Variants in TAF1 observed in about 807,000 individuals in gnomAD.
The protein encoded by TAF1 is TATA-box binding protein associated factor 1.
TAF1 carries 2 observed loss-of-function variants against 138.5 expected under a neutral mutation model. That is an observed-to-expected ratio of 0.01 (90% CI 0.01 to 0.05). The LOEUF is 0.05. TAF1 is among the 10% of genes least tolerant of loss of function. The probability of loss-of-function intolerance (pLI) is 1.00; values close to 1 mark genes in which losing one functional copy is unlikely to be tolerated. For synonymous variants in TAF1, 437 were observed against 503.2 expected, an observed-to-expected ratio of 0.87 and a Z score of 1.76; for missense variants, 709 against 1,478.0, an observed-to-expected ratio of 0.48 and a Z score of 8.53.
chrX:71,498,988 C>T (rs756243097), intron 13 of TAF1, among the ~76,000 whole-genome samples: 1 of 111,300 alleles, frequency 9.0e-6, no homozygotes, highest in African/African-American at 3.3e-5. Context: ...GTTAAACATA[C>T]CCGGGGCTCA....
chrX:71,498,352 T>G, intron 13 of TAF1, among the ~76,000 whole-genome samples: 1 of 111,288 alleles, frequency 9.0e-6, no homozygotes, highest in Middle Eastern at 4.6e-3. Context: ...GAGAGCAGGG[T>G]ATAGGGGTTG....
chrX:71,454,928 A>G, intron 34 of TAF1, 71 bp downstream of exon 34: 2 of 1,192,711 alleles, frequency 1.7e-6, no homozygotes, highest in Non-Finnish European at 2.3e-6. Context: ...GCATGTTAAC[A>G]AATCCGTTTA....
chrX:71,393,157 T>G, intron 20 of TAF1, 144 bp from the exon 21 acceptor site: 1 of 1,054,524 alleles, frequency 9.5e-7, no homozygotes, highest in South Asian at 2.3e-5. Flanking sequence ...GTAATCTGCT[T>G]TGGGGTGATT....
At chrX:71,490,039 C>CCCTCCT in intron 13 of TAF1, among the ~76,000 whole-genome samples, 1 of 111,066 alleles carries the variant, frequency 9.0e-6, no homozygotes, top group Middle Eastern at 4.6e-3. Flanking sequence ...AAACTCTTTT[C>CCCTCCT]CCTCCTCCTC....
chrX:71,421,600 G>T (rs2036348127), intron 29 of TAF1, among the ~76,000 whole-genome samples: 1 of 111,777 alleles, frequency 8.9e-6, no homozygotes, highest in African/African-American at 3.2e-5. Flanking sequence ...TGGACATCTT[G>T]ACTATTAACA....
At chrX:71,425,970 T>C (rs2036570059) in intron 32 of TAF1, among the ~76,000 whole-genome samples, 1 of 109,853 alleles carries the variant, frequency 9.1e-6, no homozygotes, top group African/African-American at 3.3e-5. Flanking sequence ...ATATCTAAAT[T>C]AGAGTGGGGC....
At chrX:71,460,290 G>T (rs890886020) in intron 36 of TAF1, among the ~76,000 whole-genome samples, 10 of 112,202 alleles carry the variant, frequency 8.9e-5, no homozygotes, top group African/African-American at 3.2e-4. Context: ...TGTTATATGT[G>T]GCAACAGGGA....
chrX:71,444,367 A>G (rs756113786), intron 32 of TAF1, among the ~76,000 whole-genome samples: 10 of 111,304 alleles, frequency 9.0e-5, no homozygotes, highest in Non-Finnish European at 1.9e-4. Context: ...CCTTTATTAC[A>G]TATATGATTT....
rs1343859273 is a variant in TAF1 at position 71,366,464 on chromosome X, G to A, written c.90G>A (p.Gly30=). The A allele has an allele frequency of 3.4e-6, 4 of 1,182,403 alleles. No individual in the cohort carries two copies. The highest frequency in any genetic ancestry group is 3.7e-5 in the African/African-American group (2 of 53,845). Residue 30 remains glycine, a synonymous_variant, in exon 1 of 38, where the codon GGG becomes GGA. Transcript: ENST00000423759. ...TTTTCGGCAACATCAATGGAGCCGG[G>A]CAGCTGGAGGGGGAAAGCGTCTTGG... ...GFLFGNINGA[G]QLEGESVLDD... is the part of the protein sequence containing the mutation.
chrX:71,435,685 C>T, intron 32 of TAF1, among the ~76,000 whole-genome samples: 1 of 111,449 alleles, frequency 9.0e-6, no homozygotes, highest in East Asian at 2.8e-4. Context: ...GAGGACTAAT[C>T]CAATAGCATT....
intron 18 of TAF1, among the ~76,000 whole-genome samples, chrX:71,391,825 C>T (rs1378362676): frequency 9.1e-6 from 1 of 109,676 alleles, no homozygotes; most frequent in Non-Finnish European, 1.9e-5. Flanking sequence ...TGGGGTTTCA[C>T]CATGTTGGCC....
intron 3 of TAF1, among the ~76,000 whole-genome samples, chrX:71,373,414 C>T (rs978212872): frequency 9.1e-6 from 1 of 110,488 alleles, no homozygotes; most frequent in Non-Finnish European, 1.9e-5. Flanking sequence ...GCAATCCGCT[C>T]GCCTCAGCCT....
At position 71,460,615 on chromosome X, in the gene TAF1, T is replaced by C. The variant is rs1261869235; in HGVS notation, c.5222-11T>C. On this transcript the variant is annotated splice_polypyrimidine_tract_variant and intron_variant, in intron 36 of 37. Transcript: ENST00000423759. ...AACTCTTGATGACCCAGAATCTGTC[T>C]CTTTTTACAGCTATCCAGCTGAGTG... 2 of 1,210,240 alleles carry C rather than the reference T, an allele frequency of 1.7e-6. No individual in the cohort carries two copies. Among genetic ancestry groups the C allele is most frequent in the Non-Finnish European group, 2.2e-6 (2 of 894,772 alleles).
chrX:71,376,289 A>C (rs1448719108), intron 4 of TAF1, among the ~76,000 whole-genome samples: 1 of 111,862 alleles, frequency 8.9e-6, no homozygotes, highest in African/African-American at 3.2e-5. Flanking sequence ...CCAGCTCATG[A>C]GTCTCTGAAC....
At chrX:71,423,492 A>G (rs2036455521) in intron 30 of TAF1, among the ~76,000 whole-genome samples, 2 of 111,264 alleles carry the variant, frequency 1.8e-5, no homozygotes, top group Admixed American at 1.9e-4. Flanking sequence ...TGTTGTTGAC[A>G]TTCAGTATAT....
At chrX:71,501,586 A>G (rs1361125553) in intron 13 of TAF1, among the ~76,000 whole-genome samples, 1 of 111,558 alleles carries the variant, frequency 9.0e-6, no homozygotes, top group East Asian at 2.8e-4. Flanking sequence ...TCATGGCTAC[A>G]GGGTCAACCA....
chrX:71,425,245 C>G (rs1263933760), intron 32 of TAF1, among the ~76,000 whole-genome samples: 5 of 111,280 alleles, frequency 4.5e-5, no homozygotes, highest in African/African-American at 1.3e-4. Context: ...TAACATATGC[C>G]AGGCCCTGTG....
chrX:71,434,947 T>C (rs574897338), intron 32 of TAF1, among the ~76,000 whole-genome samples: 2 of 112,707 alleles, frequency 1.8e-5, no homozygotes, highest in African/African-American at 6.4e-5. Flanking sequence ...TTAGTTAAAT[T>C]TGAAATGAGC....
Position 71,460,711 on chromosome X carries a change from C to T in TAF1, c.5307C>T (p.Asn1769=). 8.3e-7 allele frequency: 1 copy of T among 1,210,035 alleles called. No homozygotes were observed. Among genetic ancestry groups the T allele is most frequent in the Non-Finnish European group, 1.1e-6 (1 of 894,682 alleles). ...AACAACCCCGCATGCTTCAGGAGAA[C>T]ACAAGGATGGACATGGAAAATGAAG... is the stretch of plus-strand genomic sequence containing the variant. ...RPKQPRMLQE[N]TRMDMENEES... is the part of the protein sequence containing the mutation. The change falls in exon 37 of 38, where the codon AAC becomes AAT. Residue 1769 remains asparagine (N), a synonymous_variant. Transcript: ENST00000423759.
Sources: gnomAD v4.1 joint callset for allele counts (sites outside exome capture counted in the v4.1 genomes callset) on GRCh38, gnomAD v4.1.1 for gene constraint, MANE v1.5 for transcripts, NCBI Gene and HGNC (gene_info 2026-07-23, HGNC 2026-07-21) for gene names.